The following PARD3 variants were observed in gnomAD, a reference collection of about 807,000 sequenced individuals.
The protein encoded by PARD3 is par-3 family cell polarity regulator.
A neutral mutation model predicts 155.4 loss-of-function variants in PARD3; 75 were observed. The observed-to-expected ratio is 0.48, with a 90% CI of 0.40 to 0.58. The LOEUF (loss-of-function observed/expected upper bound fraction) is 0.58. Among genes scored for constraint, PARD3 ranks in the 20% least tolerant of loss-of-function variants. PARD3 has a pLI of 0.00. For synonymous variants in PARD3, 576 were observed against 610.5 expected (o/e 0.94, Z 0.83); for missense variants, 1,642 against 1,721.7 (o/e 0.95, Z 0.82).
intron 22 of PARD3, among the ~76,000 whole-genome samples, chr10:34,228,722 G>C (rs1438632001): frequency 6.6e-6 from 1 of 152,032 alleles, no homozygotes; most frequent in Non-Finnish European, 1.5e-5. Flanking sequence ...GGGATTTTAA[G>C]CAGCACAGGA....
intron 2 of PARD3, among the ~76,000 whole-genome samples, chr10:34,603,048 T>C (rs1260032299): frequency 6.6e-6 from 1 of 152,164 alleles, no homozygotes; most frequent in Admixed American, 6.5e-5. Context: ...TTTGGAGTGA[T>C]AGTTTGGTAG....
chr10:34,584,210 A>C (rs2087779927), intron 2 of PARD3, among the ~76,000 whole-genome samples: 1 of 152,176 alleles, frequency 6.6e-6, no homozygotes. Flanking sequence ...TAGAGACTGA[A>C]ACCTTACCTT....
intron 12 of PARD3, among the ~76,000 whole-genome samples, chr10:34,366,556 C>A (rs1462841956): frequency 6.6e-6 from 1 of 152,012 alleles, no homozygotes; most frequent in Non-Finnish European, 1.5e-5. Flanking sequence ...TAAAAAAAAC[C>A]ATGCCATGAC....
intron 2 of PARD3, among the ~76,000 whole-genome samples, chr10:34,557,937 C>CAAAAAAAA (rs1302011181): frequency 1.4e-5 from 1 of 73,060 alleles, no homozygotes; most frequent in Non-Finnish European, 2.8e-5. Context: ...GACCCTGACT[C>CAAAAAAAA]AAAAAAAAAA....
At chr10:34,627,939 C>T (rs2092065115) in intron 2 of PARD3, among the ~76,000 whole-genome samples, 1 of 152,014 alleles carries the variant, frequency 6.6e-6, no homozygotes, top group African/African-American at 2.4e-5. Context: ...CATGAAGAGT[C>T]CAAAGTTGCT....
At chr10:34,715,325 G>A (rs1056749444) in intron 1 of PARD3, among the ~76,000 whole-genome samples, 2 of 152,078 alleles carry the variant, frequency 1.3e-5, no homozygotes, top group Non-Finnish European at 2.9e-5. Context: ...TGATCCTCCT[G>A]CCTCGGATTC....
At chr10:34,114,203 A>T (rs866360395) in intron 24 of PARD3, among the ~76,000 whole-genome samples, 26 of 152,116 alleles carry the variant, frequency 1.7e-4, no homozygotes, top group African/African-American at 4.6e-4. Context: ...TCGAGGCTGC[A>T]GTGAGCCGTG....
intron 5 of PARD3, among the ~76,000 whole-genome samples, chr10:34,416,908 T>A (rs1283262444): frequency 2.0e-5 from 3 of 152,250 alleles, no homozygotes; most frequent in African/African-American, 7.2e-5. Flanking sequence ...AACTCCAAGC[T>A]GTCCTTCATC....
chr10:34,270,021 G>C (rs1955537639), intron 21 of PARD3, 122 bp from the exon 22 acceptor site: 1 of 982,966 alleles, frequency 1.0e-6, no homozygotes, highest in Non-Finnish European at 1.5e-6. Flanking sequence ...TAGAAGATCA[G>C]TGGTATAAAT....
At chr10:34,222,426 G>A (rs1033751384) in intron 22 of PARD3, among the ~76,000 whole-genome samples, 3 of 152,226 alleles carry the variant, frequency 2.0e-5, no homozygotes, top group East Asian at 1.9e-4. Context: ...CTGACAGCAT[G>A]AGGCCCCAAA....
intron 21 of PARD3, among the ~76,000 whole-genome samples, chr10:34,280,010 T>C (rs1956086503): frequency 6.6e-6 from 1 of 152,218 alleles, no homozygotes; most frequent in Admixed American, 6.5e-5. Flanking sequence ...GATAATAATA[T>C]TGTAATAGCT....
chr10:34,522,702 T>C (rs1013131142), intron 2 of PARD3, among the ~76,000 whole-genome samples: 3 of 152,172 alleles, frequency 2.0e-5, no homozygotes, highest in African/African-American at 7.2e-5. Flanking sequence ...ATGTTCAACA[T>C]AGATATGGCA....
intron 1 of PARD3, among the ~76,000 whole-genome samples, chr10:34,785,966 T>A (rs1448477692): frequency 6.6e-6 from 1 of 152,210 alleles, no homozygotes; most frequent in Non-Finnish European, 1.5e-5. Context: ...ATCTCCTGGG[T>A]GACAGAGTAA....
chr10:34,373,432 T>C (rs577528998), intron 11 of PARD3, among the ~76,000 whole-genome samples: 1 of 152,104 alleles, frequency 6.6e-6, no homozygotes, highest in Non-Finnish European at 1.5e-5. Flanking sequence ...TTAAGAGCAG[T>C]GTCTAAGCTT....
intron 14 of PARD3, among the ~76,000 whole-genome samples, chr10:34,352,520 A>AT (rs1418660666): frequency 2.6e-5 from 4 of 152,062 alleles, no homozygotes; most frequent in African/African-American, 9.7e-5. Context: ...TGGTTTTTGT[A>AT]TTTTTTGGTG....
intron 22 of PARD3, among the ~76,000 whole-genome samples, chr10:34,213,280 G>A (rs184078275): frequency 4.6e-5 from 7 of 152,172 alleles, no homozygotes; most frequent in African/African-American, 7.2e-5. Context: ...TGAGGAAGCC[G>A]GACTCCTTTA....
rs182332585 is a variant in PARD3, at chr10:34,504,037, C to T, written c.403+12942G>A. ...AGATTTTATAAAAACGAGCTTTACT[C>T]TGGGAAAGTGCTATCATCAACCCAT... On this transcript the variant is annotated intron_variant, in intron 3 of 24. Transcript: ENST00000374788. Among the ~76,000 whole-genome samples the T allele has an allele frequency of 2.2e-4, 33 of 152,286 alleles. No homozygotes were observed. The East Asian group carries it at 4.4e-3, about 20-fold the overall frequency.
At position 34,746,057 on chromosome 10, in the gene PARD3, G is replaced by A. The variant is rs1210918496; in HGVS notation, c.121-49638C>T. On this transcript the variant is annotated intron_variant, in intron 1 of 24. Transcript: ENST00000374788. Reference sequence around the variant, plus strand: ...GCGGAGCCTGCAGTGAGCCTAGATCGCACCGCTGCACTCCAGCCTGGGCGA... The same window carrying A: ...GCGGAGCCTGCAGTGAGCCTAGATCACACCGCTGCACTCCAGCCTGGGCGA... Among the ~76,000 whole-genome samples the A allele has an allele frequency of 4.6e-5, 7 of 152,064 alleles. No homozygotes were observed. The East Asian group carries it at 9.7e-4, about 21-fold the overall frequency.
rs1317488935 is a variant in PARD3, at chr10:34,503,824, G to A, written c.403+13155C>T. On this transcript the variant is annotated intron_variant, in intron 3 of 24. Coordinates refer to ENST00000374788, the MANE Select transcript of PARD3 (RefSeq NM_001184785.2). Reference sequence around the variant, plus strand: ...AGGCATTCTATGCTGGGAATACACAGTGTGCCAGTACACAAGAATAAACAG... The same window carrying A: ...AGGCATTCTATGCTGGGAATACACAATGTGCCAGTACACAAGAATAAACAG... Among the ~76,000 whole-genome samples, 5 of 152,210 alleles carry A rather than the reference G, an allele frequency of 3.3e-5. No individual in the cohort carries two copies. The East Asian group carries it at 7.7e-4, about 23-fold the overall frequency.
Sources: gnomAD v4.1 joint callset for allele counts (sites outside exome capture counted in the v4.1 genomes callset) on GRCh38, gnomAD v4.1.1 for gene constraint, MANE v1.5 for transcripts, NCBI Gene and HGNC (gene_info 2026-07-23, HGNC 2026-07-21) for gene names.